Variants in COL24A1 observed in about 807,000 individuals in gnomAD.
The protein encoded by COL24A1 is collagen type XXIV alpha 1 chain.
COL24A1 carries 224 observed loss-of-function variants against 253.9 expected under a neutral mutation model. The observed-to-expected ratio is 0.88, with a 90% CI of 0.79 to 0.99. The LOEUF (loss-of-function observed/expected upper bound fraction) is 0.99. Ranked by LOEUF, COL24A1 falls within the 50% of genes least tolerant of loss-of-function variation. COL24A1 has a pLI of 0.00. For synonymous variants in COL24A1, 685 were observed against 673.7 expected, an observed-to-expected ratio of 1.02 and a Z score of -0.26; for missense variants, 2,131 against 2,068.5, an observed-to-expected ratio of 1.03 and a Z score of -0.59.
intron 17 of COL24A1, 119 bp downstream of exon 17, chr1:86,022,419 A>C: frequency 7.4e-7 from 1 of 1,352,982 alleles, no homozygotes; most frequent in Non-Finnish European, 1.0e-6. Context: ...TTCAAACAAG[A>C]ACTTAAAACC....
intron 20 of COL24A1, among the ~76,000 whole-genome samples, chr1:85,976,733 T>C (rs1465861550): frequency 1.3e-5 from 2 of 152,126 alleles, no homozygotes; most frequent in African/African-American, 2.4e-5. Context: ...CTCAGGATAT[T>C]ATGGCAACTC....
chr1:85,910,958 A>T (rs1340984058), intron 25 of COL24A1, among the ~76,000 whole-genome samples: 1 of 151,796 alleles, frequency 6.6e-6, no homozygotes, highest in Non-Finnish European at 1.5e-5. Flanking sequence ...AGGAGAGAGG[A>T]TATTTTAGTT....
rs377375770 is a variant in COL24A1, at chr1:85,961,287, C to T, written c.2524G>A (p.Val842Ile). 4 of 1,602,914 alleles carry T rather than the reference C, an allele frequency of 2.5e-6. No individual in the cohort carries two copies. The African/African-American group carries it at 4.0e-5, about 16-fold the overall frequency. ...EPGPEGLKGE[V>I]GDQGNIGKIG... ...TTTCCAATATTTCCTTGATCTCCTACTTCTCCCTGTCAAAAAAGAATATAA... is the reference window on the plus strand; with the variant it reads ...TTTCCAATATTTCCTTGATCTCCTATTTCTCCCTGTCAAAAAAGAATATAA... The change falls in exon 24 of 60, where the codon GTA (valine) becomes ATA (isoleucine). Residue 842 changes from valine (V) to isoleucine (I), a missense_variant. Coordinates refer to ENST00000370571, the MANE Select transcript of COL24A1 (RefSeq NM_152890.7).
intron 24 of COL24A1, among the ~76,000 whole-genome samples, chr1:85,944,722 A>G (rs868167587): frequency 2.0e-5 from 3 of 152,018 alleles, no homozygotes; most frequent in African/African-American, 7.3e-5. Context: ...AGCATTAGGT[A>G]TATCTCCTAA....
chr1:85,884,515 G>A (rs1272371993), intron 32 of COL24A1, among the ~76,000 whole-genome samples: 2 of 152,110 alleles, frequency 1.3e-5, no homozygotes, highest in Non-Finnish European at 2.9e-5. Flanking sequence ...TGATTTGATT[G>A]TAAGGTATGA....
chr1:86,114,612 G>C (rs963812298), intron 4 of COL24A1, among the ~76,000 whole-genome samples: 1 of 152,050 alleles, frequency 6.6e-6, no homozygotes, highest in Admixed American at 6.6e-5. Context: ...GCCTCAAATG[G>C]ACAAGAGTTT....
chr1:86,094,930 G>A (rs72716158), intron 5 of COL24A1, among the ~76,000 whole-genome samples: 1,836 of 151,926 alleles, frequency 0.012, 27 homozygotes, highest in South Asian at 0.065. Flanking sequence ...GGAAAGTATT[G>A]GCAAACAATG....
At chr1:85,950,493 G>A (rs904584118) in intron 24 of COL24A1, among the ~76,000 whole-genome samples, 3 of 152,256 alleles carry the variant, frequency 2.0e-5, no homozygotes, top group African/African-American at 4.8e-5. Context: ...TTGAATTTTA[G>A]AAGAAAGGTG....
chr1:85,985,284 G>T (rs1339566655), intron 20 of COL24A1, among the ~76,000 whole-genome samples: 4 of 151,734 alleles, frequency 2.6e-5, no homozygotes, highest in Non-Finnish European at 5.9e-5. Context: ...AAAAAATATG[G>T]CATGTAAGAA....
At chr1:86,099,932 T>A (rs1001901104) in intron 5 of COL24A1, among the ~76,000 whole-genome samples, 9 of 152,134 alleles carry the variant, frequency 5.9e-5, no homozygotes, top group African/African-American at 2.2e-4. Context: ...CCAAAATCTT[T>A]TTTTTAAAAT....
At chr1:85,978,720 C>T (rs371570033) in intron 20 of COL24A1, among the ~76,000 whole-genome samples, 4 of 152,104 alleles carry the variant, frequency 2.6e-5, no homozygotes, top group East Asian at 1.9e-4. Context: ...AGAAATGAGA[C>T]AGATGGTGAC....
chr1:86,033,909 G>A lies in COL24A1; in HGVS notation c.1965C>T (p.Asp655=), dbSNP rs1698791690. Residue 655 remains aspartate (D), a synonymous_variant, in exon 13 of 60, where the codon GAC becomes GAT. Coordinates refer to ENST00000370571, the MANE Select transcript of COL24A1 (RefSeq NM_152890.7). The part of the protein sequence containing the change: ...GFKGRQGFPG[D]FGDRGPAGLD... ...GACCAGCAGGGCCTCTGTCTCCAAAGTCACCTGGAAAACCCTGTCACAGGG... is the reference window on the plus strand; with the variant it reads ...GACCAGCAGGGCCTCTGTCTCCAAAATCACCTGGAAAACCCTGTCACAGGG... 6.3e-7 allele frequency: 1 copy of A among 1,594,736 alleles called. No individual in the cohort carries two copies. The highest frequency in any genetic ancestry group is 1.4e-5 in the African/African-American group (1 of 73,818).
chr1:85,919,098 C>G (rs1165181075), intron 24 of COL24A1, among the ~76,000 whole-genome samples: 1 of 152,152 alleles, frequency 6.6e-6, no homozygotes, highest in African/African-American at 2.4e-5. Context: ...ATGTTCCACA[C>G]AGGCACTGCT....
At chr1:86,148,159 C>T (rs181288702) in intron 1 of COL24A1, among the ~76,000 whole-genome samples, 1 of 151,746 alleles carries the variant, frequency 6.6e-6, no homozygotes, top group African/African-American at 2.4e-5. Flanking sequence ...CTGGAATTAC[C>T]TGGGGAGTTT....
chr1:85,854,584 C>T (rs1026239606), intron 37 of COL24A1, among the ~76,000 whole-genome samples: 4 of 152,096 alleles, frequency 2.6e-5, no homozygotes, highest in African/African-American at 9.7e-5. Context: ...AATATTGATT[C>T]TTCCTATCCA....
At chr1:86,051,374 G>C (rs1388628980) in intron 10 of COL24A1, among the ~76,000 whole-genome samples, 1 of 151,938 alleles carries the variant, frequency 6.6e-6, no homozygotes, top group Non-Finnish European at 1.5e-5. Flanking sequence ...TGGGAACTTT[G>C]GAAGCAGAAT....
chr1:86,010,328 T>C (rs1361738028), intron 19 of COL24A1, among the ~76,000 whole-genome samples: 1 of 152,180 alleles, frequency 6.6e-6, no homozygotes, highest in African/African-American at 2.4e-5. Context: ...GGTAAAGGGC[T>C]AATTTCCCTA....
chr1:86,102,105 G>C (rs1704514577), intron 5 of COL24A1, among the ~76,000 whole-genome samples: 1 of 151,672 alleles, frequency 6.6e-6, no homozygotes, highest in South Asian at 2.1e-4. Context: ...TTTCTTCTGG[G>C]TTCATTCTTG....
chr1:85,863,643 A>T (rs1679428692), intron 37 of COL24A1, among the ~76,000 whole-genome samples: 3 of 152,206 alleles, frequency 2.0e-5, no homozygotes, highest in African/African-American at 7.2e-5. Flanking sequence ...AATTTTTGCA[A>T]TCTACTCATC....
Sources: gnomAD v4.1 joint callset for allele counts (sites outside exome capture counted in the v4.1 genomes callset) on GRCh38, gnomAD v4.1.1 for gene constraint, MANE v1.5 for transcripts, NCBI Gene and HGNC (gene_info 2026-07-23, HGNC 2026-07-21) for gene names.